The following SGCZ variants were observed in gnomAD, a reference collection of about 807,000 sequenced individuals.
The protein encoded by SGCZ is zeta-sarcoglycan.
Under a neutral mutation model 41.3 loss-of-function variants are expected in SGCZ, and 40 were observed. The observed-to-expected ratio is 0.97, with a 90% CI of 0.75 to 1.26. The LOEUF (loss-of-function observed/expected upper bound fraction) is 1.26, where lower values mean the gene tolerates loss of function less well. Among genes scored for constraint, SGCZ ranks in the 50% most tolerant of loss-of-function variants. SGCZ has a pLI of 0.00. For synonymous variants in SGCZ, 206 were observed against 137.5 expected, an observed-to-expected ratio of 1.50 and a Z score of -3.49; for missense variants, 552 against 369.8, an observed-to-expected ratio of 1.49 and a Z score of -4.04.
chr8:14,645,407 A>G (rs1310824418), intron 1 of SGCZ, among the ~76,000 whole-genome samples: 3 of 147,018 alleles, frequency 2.0e-5, no homozygotes, highest in Non-Finnish European at 3.0e-5. Context: ...AACTTTTTAC[A>G]CAGCCAATTA....
intron 1 of SGCZ, among the ~76,000 whole-genome samples, chr8:14,847,730 G>T (rs1803182528): frequency 7.6e-6 from 1 of 130,994 alleles, no homozygotes; most frequent in Non-Finnish European, 1.6e-5. Flanking sequence ...AAGGGAGGGA[G>T]GGAGGCGGGA....
At chr8:14,501,389 A>C (rs1162259944) in intron 2 of SGCZ, among the ~76,000 whole-genome samples, 1 of 151,946 alleles carries the variant, frequency 6.6e-6, no homozygotes, top group African/African-American at 2.4e-5. Context: ...TCGATACAGG[A>C]GATGTTATTT....
At chr8:14,439,257 C>G (rs1223770860) in intron 2 of SGCZ, among the ~76,000 whole-genome samples, 1 of 149,622 alleles carries the variant, frequency 6.7e-6, no homozygotes, top group Non-Finnish European at 1.5e-5. Flanking sequence ...GAGTTTTTGG[C>G]TTGGTATTGT....
At chr8:14,204,773 C>T (rs371587891) in intron 4 of SGCZ, among the ~76,000 whole-genome samples, 1 of 152,060 alleles carries the variant, frequency 6.6e-6, no homozygotes, top group Non-Finnish European at 1.5e-5. Context: ...GACCTCAGAA[C>T]TTCAGGGTCC....
chr8:14,112,923 G>A (rs1304469076), intron 5 of SGCZ, among the ~76,000 whole-genome samples: 1 of 142,020 alleles, frequency 7.0e-6, no homozygotes, highest in Admixed American at 7.2e-5. Flanking sequence ...TAACAATACT[G>A]GAAAAAAATA....
chr8:14,159,951 TCAAA>T (rs1803990490), intron 5 of SGCZ, among the ~76,000 whole-genome samples: 1 of 152,184 alleles, frequency 6.6e-6, no homozygotes. Context: ...TCTTCTGTTG[TCAAA>T]CAGACATGGG....
chr8:14,587,825 A>G (rs191522514), intron 1 of SGCZ, among the ~76,000 whole-genome samples: 3 of 152,300 alleles, frequency 2.0e-5, no homozygotes, highest in Admixed American at 1.3e-4. Flanking sequence ...AAATATGAAA[A>G]TATTTCAGCA....
chr8:14,978,428 G>A lies in SGCZ; in HGVS notation c.39+259157C>T, dbSNP rs112641115. ...GGAGGTTGTAGTGAGCCAAGATCGC[G>A]GCATTGCACTCTAGCCTGGAGGACC... On this transcript the variant is annotated intron_variant, in intron 1 of 7. Coordinates refer to ENST00000382080, the MANE Select transcript of SGCZ (RefSeq NM_139167.4). Among the ~76,000 whole-genome samples the A allele has an allele frequency of 1.5e-3, 167 of 111,884 alleles. 1 individual carries two copies. The highest frequency in any genetic ancestry group is 7.4e-3 in the African/African-American group (153 of 20,812). 73.4% of individuals were successfully genotyped at this position (111,884 alleles called of 152,430 possible).
chr8:14,760,705 A>G (rs114867634), intron 1 of SGCZ, among the ~76,000 whole-genome samples: 445 of 152,338 alleles, frequency 2.9e-3, no homozygotes, highest in African/African-American at 9.6e-3. Flanking sequence ...AACACTGGAT[A>G]AATATCCTCT....
At chr8:14,876,894 G>A (rs1232764583) in intron 1 of SGCZ, among the ~76,000 whole-genome samples, 1 of 152,144 alleles carries the variant, frequency 6.6e-6, no homozygotes, top group African/African-American at 2.4e-5. Flanking sequence ...AATGGAGTGT[G>A]GACTAAGCAA....
chr8:14,936,147 G>A (rs896259921), intron 1 of SGCZ, among the ~76,000 whole-genome samples: 3 of 151,876 alleles, frequency 2.0e-5, no homozygotes, highest in African/African-American at 7.2e-5. Context: ...ATTCAGGAGT[G>A]GGTAGAAGAG....
At chr8:14,834,631 A>G (rs1193115099) in intron 1 of SGCZ, among the ~76,000 whole-genome samples, 2 of 152,208 alleles carry the variant, frequency 1.3e-5, no homozygotes, top group Non-Finnish European at 2.9e-5. Context: ...TGGCCTTTTT[A>G]TGATCGCACT....
intron 1 of SGCZ, among the ~76,000 whole-genome samples, chr8:14,733,839 A>G (rs1798944940): frequency 6.6e-6 from 1 of 152,318 alleles, no homozygotes; most frequent in South Asian, 2.1e-4. Flanking sequence ...AATCCTAAGC[A>G]ATTTTAAGGC....
intron 2 of SGCZ, among the ~76,000 whole-genome samples, chr8:14,393,681 C>A (rs1283665340): frequency 6.6e-6 from 1 of 152,154 alleles, no homozygotes; most frequent in Non-Finnish European, 1.5e-5. Flanking sequence ...TATTAAACCT[C>A]TGTTGCTCAA....
At chr8:14,177,955 T>TTTCTTTTCTTTTTTC (rs1804600322) in intron 4 of SGCZ, among the ~76,000 whole-genome samples, 1 of 70,174 alleles carries the variant, frequency 1.4e-5, no homozygotes, top group South Asian at 3.9e-4. Context: ...TTTCTTTTTT[T>TTTCTTTTCTTTTTTC]TTCTTTTTTT....
intron 2 of SGCZ, among the ~76,000 whole-genome samples, chr8:14,373,223 T>C (rs1303942932): frequency 6.6e-6 from 1 of 152,144 alleles, no homozygotes; most frequent in Non-Finnish European, 1.5e-5. Context: ...TTTTGAGCCT[T>C]AGCAACTGGC....
intron 1 of SGCZ, among the ~76,000 whole-genome samples, chr8:14,818,832 AT>A (rs1801982650): frequency 6.6e-6 from 1 of 152,028 alleles, no homozygotes; most frequent in South Asian, 2.1e-4. Context: ...AGAAGATAGA[AT>A]TTCTGATTTT....
chr8:14,718,195 CTG>C (rs1333969534), intron 1 of SGCZ, among the ~76,000 whole-genome samples: 2 of 151,508 alleles, frequency 1.3e-5, no homozygotes, highest in Admixed American at 6.6e-5. Context: ...CAAACAAAAA[CTG>C]TGGTGTTTTT....
At chr8:15,167,085 T>C (rs577955515) in intron 1 of SGCZ, among the ~76,000 whole-genome samples, 2 of 152,322 alleles carry the variant, frequency 1.3e-5, no homozygotes, top group East Asian at 1.9e-4. Flanking sequence ...GAGTAAGGTA[T>C]ACCCCCGTGA....
Sources: gnomAD v4.1 joint callset for allele counts (sites outside exome capture counted in the v4.1 genomes callset) on GRCh38, gnomAD v4.1.1 for gene constraint, MANE v1.5 for transcripts, NCBI Gene and HGNC (gene_info 2026-07-23, HGNC 2026-07-21) for gene names.